The following CNTNAP5 variants were observed in gnomAD, a reference collection of about 807,000 sequenced individuals.
CNTNAP5 encodes the protein contactin associated protein family member 5.
CNTNAP5 carries 72 observed loss-of-function variants against 150.2 expected under a neutral mutation model. The ratio of observed to expected loss-of-function variants is 0.48; its 90% CI spans 0.40 to 0.58. CNTNAP5 has a LOEUF of 0.58. Among genes scored for constraint, CNTNAP5 ranks in the 20% least tolerant of loss-of-function variants. The probability of loss-of-function intolerance (pLI) is 0.00; values close to 1 mark genes in which losing one functional copy is unlikely to be tolerated. For missense variants in CNTNAP5, 1,636 were observed against 1,626.2 expected (o/e 1.01, Z -0.10); for synonymous variants, 672 against 619.8 (o/e 1.08, Z -1.25).
intron 14 of CNTNAP5, among the ~76,000 whole-genome samples, chr2:124,754,354 AG>A (rs1354899464): frequency 2.0e-5 from 3 of 152,096 alleles, no homozygotes; most frequent in Non-Finnish European, 2.9e-5. Context: ...GAGTTTTGAA[AG>A]TGCTTGTTCT....
At chr2:124,580,726 T>G (rs1314771409) in intron 11 of CNTNAP5, among the ~76,000 whole-genome samples, 2 of 152,154 alleles carry the variant, frequency 1.3e-5, no homozygotes, top group Non-Finnish European at 2.9e-5. Flanking sequence ...TCTCTCAATA[T>G]CTGTTTATAT....
intron 13 of CNTNAP5, among the ~76,000 whole-genome samples, chr2:124,700,872 G>A (rs1053622887): frequency 8.6e-5 from 13 of 151,866 alleles, no homozygotes; most frequent in East Asian, 1.9e-4. Flanking sequence ...ATGCAATTGC[G>A]TTTTTTGCCA....
intron 1 of CNTNAP5, among the ~76,000 whole-genome samples, chr2:124,137,710 G>T (rs1438839961): frequency 6.6e-6 from 1 of 152,196 alleles, no homozygotes; most frequent in Non-Finnish European, 1.5e-5. Context: ...TGCAGAAACT[G>T]TGTCAGGAAT....
chr2:124,567,864 G>GATAGAGATAA (rs1553480447), intron 11 of CNTNAP5, among the ~76,000 whole-genome samples: 82 of 142,626 alleles, frequency 5.7e-4, no homozygotes, highest in African/African-American at 2.1e-3. Context: ...TAGATAGATA[G>GATAGAGATAA]ATAGATAGAT....
At chr2:124,540,001 A>T (rs1393177065) in intron 10 of CNTNAP5, among the ~76,000 whole-genome samples, 2 of 152,148 alleles carry the variant, frequency 1.3e-5, no homozygotes, top group African/African-American at 2.4e-5. Context: ...TAGATATCTC[A>T]ACACCTGAGA....
intron 19 of CNTNAP5, among the ~76,000 whole-genome samples, chr2:124,861,186 G>A (rs1341799857): frequency 6.6e-6 from 1 of 151,966 alleles, no homozygotes; most frequent in Non-Finnish European, 1.5e-5. Flanking sequence ...CTTTTAAGAG[G>A]ATTCCTTATC....
At chr2:124,411,475 C>G (rs1691761976) in intron 3 of CNTNAP5, among the ~76,000 whole-genome samples, 1 of 151,406 alleles carries the variant, frequency 6.6e-6, no homozygotes. Context: ...TTCAAAAATC[C>G]TCAATAAAAT....
chr2:124,506,191 GAA>G (rs541248963), intron 8 of CNTNAP5, among the ~76,000 whole-genome samples: 28 of 129,274 alleles, frequency 2.2e-4, no homozygotes, highest in African/African-American at 6.3e-4. Context: ...GACTTTTAAA[GAA>G]AAAAAAAAAA....
At chr2:124,495,503 A>G (rs999323290) in intron 7 of CNTNAP5, among the ~76,000 whole-genome samples, 1 of 152,208 alleles carries the variant, frequency 6.6e-6, no homozygotes, top group Admixed American at 6.5e-5. Context: ...GTGCCTGTGC[A>G]TAGGCAGCTG....
chr2:124,044,682 C>T (rs1054370811), intron 1 of CNTNAP5, among the ~76,000 whole-genome samples: 1 of 152,074 alleles, frequency 6.6e-6, no homozygotes, highest in Non-Finnish European at 1.5e-5. Flanking sequence ...GATAGTTCCC[C>T]AGTGTGCTTT....
At chr2:124,532,741 C>T (rs1467204610) in intron 10 of CNTNAP5, among the ~76,000 whole-genome samples, 2 of 152,158 alleles carry the variant, frequency 1.3e-5, no homozygotes, top group Non-Finnish European at 2.9e-5. Context: ...TCCATGTTTT[C>T]CCTTTTGCAA....
chr2:124,628,154 C>A (rs1003676070), intron 12 of CNTNAP5, among the ~76,000 whole-genome samples: 8 of 152,150 alleles, frequency 5.3e-5, no homozygotes, highest in Admixed American at 5.2e-4. Context: ...AGTGTATCAT[C>A]CGGGAGGACT....
At chr2:124,688,714 T>A (rs1282078312) in intron 13 of CNTNAP5, among the ~76,000 whole-genome samples, 1 of 152,208 alleles carries the variant, frequency 6.6e-6, no homozygotes, top group East Asian at 1.9e-4. Context: ...AAATATCTAA[T>A]CAGATGGACC....
chr2:124,218,871 T>C (rs1686230616), intron 1 of CNTNAP5, among the ~76,000 whole-genome samples: 2 of 152,150 alleles, frequency 1.3e-5, no homozygotes, highest in Admixed American at 1.3e-4. Flanking sequence ...TCCTCATCAG[T>C]TTATTTATTT....
intron 21 of CNTNAP5, among the ~76,000 whole-genome samples, chr2:124,885,591 C>G (rs780840185): frequency 2.2e-5 from 3 of 139,468 alleles, no homozygotes; most frequent in Non-Finnish European, 4.6e-5. Context: ...ACACACACAA[C>G]TCAGTACCCA....
In CNTNAP5 at chr2:124,798,135, A is replaced by G; in HGVS notation, c.3032A>G (p.Tyr1011Cys). 1 of 1,613,458 alleles carries G rather than the reference A, an allele frequency of 6.2e-7. No homozygotes were observed. Among genetic ancestry groups the G allele is most frequent in the Non-Finnish European group, 8.5e-7 (1 of 1,179,652 alleles). Reference sequence around the variant, plus strand: ...TTTGAGGCTGGCACGTCGGTTACTTACATGTTTCAAGAACCCTATCCTGTG... The same window carrying G: ...TTTGAGGCTGGCACGTCGGTTACTTGCATGTTTCAAGAACCCTATCCTGTG... ...AVFEAGTSVT[Y>C]MFQEPYPVTK... The change falls in exon 19 of 24, where the codon TAC becomes TGC. Residue 1011 changes from tyrosine (Y) to cysteine (C), a missense_variant. Physicochemically the swap from Tyr to Cys is radical, Grantham distance 194. Coordinates refer to ENST00000682447, the MANE Select transcript of CNTNAP5 (RefSeq NM_001367498.1).
At chr2:124,154,219 G>A (rs1483626628) in intron 1 of CNTNAP5, among the ~76,000 whole-genome samples, 1 of 152,096 alleles carries the variant, frequency 6.6e-6, no homozygotes, top group East Asian at 1.9e-4. Flanking sequence ...GTTATTCTAT[G>A]TCTGAGCCAG....
At chr2:124,869,310 G>T (rs1364757989) in intron 20 of CNTNAP5, among the ~76,000 whole-genome samples, 1 of 152,144 alleles carries the variant, frequency 6.6e-6, no homozygotes, top group East Asian at 1.9e-4. Flanking sequence ...ATGAGTTCCT[G>T]CTTCCTATTA....
rs1335999723 is a variant in CNTNAP5 at position 124,598,098 on chromosome 2, C to T, written c.1757-11703C>T. Among the ~76,000 whole-genome samples the T allele has an allele frequency of 1.3e-4, 13 of 102,130 alleles. No homozygotes were observed. The East Asian group carries it at 1.5e-3, about 12-fold the overall frequency. The allele number at this position is 102,130 out of a possible 152,430, so 67.0% of individuals were successfully genotyped here. A position where few individuals can be genotyped will look rare whatever the true frequency, so the allele number is the denominator to read the frequency against. On this transcript the variant is annotated intron_variant, in intron 11 of 23. Transcript: ENST00000682447. Reference sequence around the variant, plus strand: ...TTTGCCTTTGGTTTGAATGTCCTCCCGTAGCTCAGAGTAATTTGATCGTCT... The same window carrying T: ...TTTGCCTTTGGTTTGAATGTCCTCCTGTAGCTCAGAGTAATTTGATCGTCT...
Sources: allele counts gnomAD v4.1 joint callset (sites outside exome capture counted in the v4.1 genomes callset), GRCh38; gene constraint gnomAD v4.1.1; transcripts MANE v1.5; gene names NCBI Gene and HGNC (gene_info 2026-07-23, HGNC 2026-07-21).